The following MEGF11 variants were observed in gnomAD, a reference collection of about 807,000 sequenced individuals.
MEGF11 encodes the protein multiple epidermal growth factor-like domains protein 11.
Under a neutral mutation model 146.6 loss-of-function variants are expected in MEGF11, and 126 were observed. The ratio of observed to expected loss-of-function variants is 0.86; its 90% confidence interval spans 0.74 to 1.00. The LOEUF is 1.00. Among genes scored for constraint, MEGF11 ranks in the 50% least tolerant of loss-of-function variants. The pLI is 0.00. For synonymous variants in MEGF11, 532 were observed against 583.4 expected, an observed-to-expected ratio of 0.91 and a Z score of 1.27; for missense variants, 1,509 against 1,521.2, an observed-to-expected ratio of 0.99 and a Z score of 0.13.
intron 16 of MEGF11, among the ~76,000 whole-genome samples, chr15:65,917,342 C>G (rs1300796420): frequency 6.6e-6 from 1 of 152,130 alleles, no homozygotes; most frequent in Non-Finnish European, 1.5e-5. Context: ...GCTCTCTTCT[C>G]TCAGTTGGTG....
chr15:65,954,389 C>G (rs1424960076), intron 10 of MEGF11, among the ~76,000 whole-genome samples: 1 of 152,170 alleles, frequency 6.6e-6, no homozygotes, highest in African/African-American at 2.4e-5. Context: ...CACTCAGAAG[C>G]TGGAGTGAGG....
chr15:66,034,179 G>C (rs1050445255), intron 5 of MEGF11, among the ~76,000 whole-genome samples: 1 of 152,114 alleles, frequency 6.6e-6, no homozygotes, highest in Non-Finnish European at 1.5e-5. Context: ...ATTGCATTTT[G>C]GAAGTAGATA....
In MEGF11 at chr15:66,209,332, G is replaced by A. The variant is rs369694043; in HGVS notation, c.-9+44273C>T. On this transcript the variant is annotated intron_variant, in intron 1 of 25. Transcript: ENST00000395614. Reference sequence around the variant, plus strand: ...GCCACTGCACTCCAGCCTGGGCGACGGAGCAAGACTCCATCTTAAAAAAAA... The same window carrying A: ...GCCACTGCACTCCAGCCTGGGCGACAGAGCAAGACTCCATCTTAAAAAAAA... Among the ~76,000 whole-genome samples, 489 of 151,690 alleles carry A rather than the reference G, an allele frequency of 3.2e-3. 3 individuals are homozygous for A. The highest frequency in any genetic ancestry group is 0.011 in the African/African-American group (461 of 41,328).
chr15:65,944,546 G>C (rs2080120946), intron 10 of MEGF11, among the ~76,000 whole-genome samples: 1 of 152,162 alleles, frequency 6.6e-6, no homozygotes, highest in African/African-American at 2.4e-5. Flanking sequence ...TGGAGGTCAG[G>C]CTGGGCCCAG....
chr15:66,113,775 G>T (rs1247106756), intron 4 of MEGF11, among the ~76,000 whole-genome samples: 11 of 152,136 alleles, frequency 7.2e-5, no homozygotes, highest in Admixed American at 7.2e-4. Flanking sequence ...CAGCTATTCT[G>T]GAGGTTGAGG....
Position 66,083,460 on chromosome 15 carries a change from C to T in MEGF11, c.394+10942G>A, listed in dbSNP as rs1310907675. Among the ~76,000 whole-genome samples the T allele has an allele frequency of 2.6e-5, 4 of 152,156 alleles. No individual in the cohort carries two copies. In the East Asian group the frequency reaches 7.7e-4, roughly 29 times the overall value. ...CACATGCAAAAAAATGAAATGGAAT[C>T]TTTATAAAAAATTCACTCAAAATGG... is the stretch of plus-strand genomic sequence containing the variant. On this transcript the variant is annotated intron_variant, in intron 5 of 25. Transcript: ENST00000395614.
At chr15:65,913,613 T>G in intron 20 of MEGF11, 124 bp downstream of exon 20, 2 of 828,256 alleles carry the variant, frequency 2.4e-6, no homozygotes, top group Non-Finnish European at 3.9e-6. Flanking sequence ...CCATCCCCAC[T>G]GTCACTCTAG....
intron 1 of MEGF11, among the ~76,000 whole-genome samples, chr15:66,191,077 T>TC (rs1489258541): frequency 6.6e-6 from 1 of 151,932 alleles, no homozygotes; most frequent in Non-Finnish European, 1.5e-5. Flanking sequence ...AGCAAGTTTC[T>TC]CCCCCGATAT....
rs556744310 is a variant in MEGF11, at chr15:65,906,197, T to C, written c.2999-56A>G. The C allele has an allele frequency of 2.9e-5, 38 of 1,328,864 alleles. No homozygotes were observed. The African/African-American group carries it at 4.5e-4, about 16-fold the overall frequency. 82.3% of individuals were successfully genotyped at this position (1,328,864 alleles called of 1,614,324 possible). ...ATATGGGGGTGAGGTTTACTTAGAC[T>C]GCTTGTGTTCTTCTTTCTTTTCTTG... is the stretch of plus-strand genomic sequence containing the variant. On this transcript the variant is annotated intron_variant, in intron 23 of 25. Transcript: ENST00000395614.
At chr15:66,018,814 T>C (rs945947517) in intron 5 of MEGF11, among the ~76,000 whole-genome samples, 5 of 151,978 alleles carry the variant, frequency 3.3e-5, no homozygotes, top group Non-Finnish European at 5.9e-5. Flanking sequence ...AAAGAAACAT[T>C]TGGAGAGAGA....
intron 1 of MEGF11, among the ~76,000 whole-genome samples, chr15:66,229,516 C>G (rs982109534): frequency 2.6e-5 from 4 of 152,218 alleles, no homozygotes; most frequent in Admixed American, 2.6e-4. Flanking sequence ...AAGCAAAATT[C>G]AAGCCAAACT....
intron 5 of MEGF11, among the ~76,000 whole-genome samples, chr15:65,985,955 T>C (rs2081841432): frequency 6.8e-6 from 1 of 146,480 alleles, no homozygotes; most frequent in Admixed American, 6.8e-5. Flanking sequence ...GTGTCTGCAT[T>C]TTTTTTTTTT....
At chr15:66,117,001 G>A (rs991040230) in intron 4 of MEGF11, among the ~76,000 whole-genome samples, 1 of 152,174 alleles carries the variant, frequency 6.6e-6, no homozygotes, top group Non-Finnish European at 1.5e-5. Flanking sequence ...GTGTGATCTT[G>A]GGCAAATTAC....
chr15:66,018,073 CAT>C (rs1468738573), intron 5 of MEGF11, among the ~76,000 whole-genome samples: 1 of 152,188 alleles, frequency 6.6e-6, no homozygotes, highest in African/African-American at 2.4e-5. Context: ...GGGGCACCAA[CAT>C]GTGTGTGATG....
chr15:66,128,383 C>A lies in MEGF11; in HGVS notation c.21G>T (p.Gly7=), dbSNP rs74480547. MVLSLT[G]LIAFSFLQAT... is the part of the protein sequence containing the mutation. Reference sequence around the variant, plus strand: ...CTTGCAGGAAGGAGAAGGCAATGAGCCCCGTCAGGGAGAGCACCATCCCGG... The same window carrying A: ...CTTGCAGGAAGGAGAAGGCAATGAGACCCGTCAGGGAGAGCACCATCCCGG... Residue 7 remains glycine (G), a synonymous_variant, in exon 2 of 26, where the codon GGG becomes GGT. Transcript: ENST00000395614. The A allele has an allele frequency of 6.6e-7, 1 of 1,520,624 alleles. No individual in the cohort carries two copies. Among genetic ancestry groups the A allele is most frequent in the South Asian group, 1.3e-5 (1 of 79,184 alleles). The allele number at this position is 1,520,624 out of a possible 1,614,324, so 94.2% of individuals were successfully genotyped here.
At chr15:66,131,368 G>A (rs1220004016) in intron 1 of MEGF11, among the ~76,000 whole-genome samples, 1 of 152,260 alleles carries the variant, frequency 6.6e-6, no homozygotes. Flanking sequence ...GCCATCAGCT[G>A]CAGTGCACTT....
Position 66,119,105 on chromosome 15 carries a change from C to G in MEGF11, c.282G>C (p.Glu94Asp). ...ACATACGTATGCAGAAGTCTCCGCT[C>G]TCATAGTAGCCAGGGCAGCACTGGG... ...RRSQCCPGYY[E>D]SGDFCIPLCT... is the part of the protein sequence containing the mutation. Residue 94 changes from glutamate (E) to aspartate (D), a missense_variant, in exon 4 of 26, where the codon GAG (glutamate) becomes GAC (aspartate). Coordinates refer to ENST00000395614, the MANE Select transcript of MEGF11 (RefSeq NM_001385028.1). The G allele has an allele frequency of 6.4e-7, 1 of 1,551,280 alleles. No homozygotes were observed. The highest frequency in any genetic ancestry group is 2.4e-5 in the East Asian group (1 of 40,900).
At chr15:66,022,847 CAAAAAA>C (rs10579872) in intron 5 of MEGF11, among the ~76,000 whole-genome samples, 1 of 128,226 alleles carries the variant, frequency 7.8e-6, no homozygotes, top group Non-Finnish European at 1.6e-5. Context: ...GACCCTGTCT[CAAAAAA>C]AAAAAAAAAA....
intron 1 of MEGF11, among the ~76,000 whole-genome samples, chr15:66,240,293 G>A (rs1361045981): frequency 2.0e-5 from 3 of 152,232 alleles, no homozygotes; most frequent in African/African-American, 7.2e-5. Flanking sequence ...GAGAGTGGGG[G>A]CTGAATTTTC....
Sources: allele counts gnomAD v4.1 joint callset (sites outside exome capture counted in the v4.1 genomes callset), GRCh38; gene constraint gnomAD v4.1.1; transcripts MANE v1.5; gene names NCBI Gene and HGNC (gene_info 2026-07-23, HGNC 2026-07-21).